The following OAT variants were observed in gnomAD, a reference collection of about 807,000 sequenced individuals.
OAT encodes ornithine aminotransferase, also known as ornithine aminotransferase, mitochondrial.
Under a neutral mutation model 48.4 loss-of-function variants are expected in OAT, and 35 were observed. The observed-to-expected ratio is 0.72, with a 90% CI of 0.55 to 0.96. The LOEUF is 0.96. Ranked by LOEUF, OAT falls within the 40% of genes least tolerant of loss-of-function variation. The pLI is 0.00. For missense variants in OAT, 438 were observed against 537.9 expected (o/e 0.81, Z 1.84); for synonymous variants, 182 against 198.4 (o/e 0.92, Z 0.70).
rs375060243 is a variant in OAT, at chr10:124,402,910, G to C, written c.900+17C>G. On this transcript the variant is annotated intron_variant, in intron 7 of 9. Transcript: ENST00000368845. ...TACAAGAGTAGGAAATGGAAAGAGG[G>C]GGAACATGAAACTTACAGGGTATAA... The C allele has an allele frequency of 3.3e-5, 53 of 1,612,908 alleles. No individual in the cohort carries two copies. The African/African-American group carries it at 5.9e-4, about 18-fold the overall frequency.
intron 1 of OAT, among the ~76,000 whole-genome samples, chr10:124,418,652 G>A (rs1951996068): frequency 6.6e-6 from 1 of 151,886 alleles, no homozygotes; most frequent in Non-Finnish European, 1.5e-5. Context: ...GCTGCGCGCC[G>A]GCCGGAGACT....
chr10:124,406,901 G>A (rs1951596093), intron 4 of OAT: 2 of 948,422 alleles, frequency 2.1e-6, no homozygotes, highest in African/African-American at 3.6e-5. Context: ...GAAAACACCT[G>A]ACATAAACCA....
rs1470484955 is a variant in OAT at position 124,401,048 on chromosome 10, C to T, written c.1015-64G>A. 7.5e-6 allele frequency: 9 copies of T among 1,195,292 alleles called. No homozygotes were observed. In the East Asian group the frequency reaches 1.0e-4, roughly 13 times the overall value. 74.0% of individuals were successfully genotyped at this position (1,195,292 alleles called of 1,614,324 possible). On this transcript the variant is annotated intron_variant, in intron 8 of 9. Transcript: ENST00000368845. ...CCTTTTTTTGTTTTTTGGAGGACAA[C>T]GGGGACTGTAAACACAGGAAAAACA...
Position 124,403,071 on chromosome 10 carries a change from A to G in OAT, c.772-16T>C, listed in dbSNP as rs765688981. On this transcript the variant is annotated splice_polypyrimidine_tract_variant and intron_variant, in intron 6 of 9. Coordinates refer to ENST00000368845, the MANE Select transcript of OAT (RefSeq NM_000274.4). ...TAAAGAGAACCTATTGGGGAAAAAA[A>G]ATACCCCTATTAGTGATCACTTTCG... 3 of 1,613,644 alleles carry G rather than the reference A, an allele frequency of 1.9e-6. No individual in the cohort carries two copies. In the Admixed American group the frequency reaches 5.0e-5, roughly 27 times the overall value.
intron 1 of OAT, among the ~76,000 whole-genome samples, chr10:124,412,841 G>C (rs1951800649): frequency 6.6e-6 from 1 of 152,200 alleles, no homozygotes; most frequent in Non-Finnish European, 1.5e-5. Context: ...AATGCACTGT[G>C]TGTTGACTGA....
rs121965041 is a variant in OAT, at chr10:124,403,019, C to G, written c.808G>C (p.Ala270Pro). The change falls in exon 7 of 10, where the codon GCC becomes CCC. Residue 270 changes from alanine (A) to proline (P), a missense_variant. Ala to Pro is a conservative substitution (Grantham distance 27). Transcript: ENST00000368845. ...ACAGCCAGCCATCTACCAGTTCTGG[C>G]CAATCCTGTCTGTATTTCATCAGCA... ...FIADEIQTGL[A>P]RTGRWLAVDY... 1 of 1,614,106 alleles carries G rather than the reference C, an allele frequency of 6.2e-7. No homozygotes were observed. Among genetic ancestry groups the G allele is most frequent in the Non-Finnish European group, 8.5e-7 (1 of 1,180,000 alleles).
At chr10:124,399,035 A>AAAATAAAAT (rs569462656) in intron 9 of OAT, among the ~76,000 whole-genome samples, 1 of 149,762 alleles carries the variant, frequency 6.7e-6, no homozygotes, top group Non-Finnish European at 1.5e-5. Context: ...ACTGTCTCAA[A>AAAATAAAAT]AAATAAAATA....
At chr10:124,403,259 GCCA>G in intron 6 of OAT, 1 of 631,144 alleles carries the variant, frequency 1.6e-6, no homozygotes, top group East Asian at 2.8e-5. Flanking sequence ...CCTTTGTCAG[GCCA>G]CTATCTCCCT....
At chr10:124,403,132 T>A in intron 6 of OAT, 77 bp from the exon 7 acceptor site, 8 of 1,490,352 alleles carry the variant, frequency 5.4e-6, no homozygotes, top group Non-Finnish European at 7.5e-6. Flanking sequence ...TATTTCACTG[T>A]CCCCCCACCA....
intron 1 of OAT, among the ~76,000 whole-genome samples, chr10:124,412,561 C>T (rs1951789248): frequency 6.6e-6 from 1 of 151,876 alleles, no homozygotes; most frequent in South Asian, 2.1e-4. Flanking sequence ...ATTCCAGCAC[C>T]TTGGGAGGCC....
In OAT at chr10:124,405,324, C is replaced by T. The variant is rs531904218; in HGVS notation, c.648+112G>A. The T allele has an allele frequency of 2.4e-5, 37 of 1,515,632 alleles. No homozygotes were observed. In the South Asian group the frequency reaches 3.4e-4, roughly 14 times the overall value. 93.9% of individuals were successfully genotyped at this position (1,515,632 alleles called of 1,614,324 possible). A position where few individuals can be genotyped will look rare whatever the true frequency, so the allele number is the denominator to read the frequency against. The stretch of plus-strand genomic sequence containing the variant: ...GAACAAGTCTGAAATCGTGGCTTAA[C>T]TTAAGTGAGATAAATTTGCATTACT... On this transcript the variant is annotated intron_variant, in intron 5 of 9. Coordinates refer to ENST00000368845, the MANE Select transcript of OAT (RefSeq NM_000274.4).
intron 4 of OAT, chr10:124,407,547 C>T: frequency 1.7e-6 from 1 of 605,584 alleles, no homozygotes; most frequent in Non-Finnish European, 2.1e-6. Context: ...TTTGGGAATA[C>T]CAATCTGTCC....
intron 2 of OAT, among the ~76,000 whole-genome samples, chr10:124,410,503 T>C (rs1272808932): frequency 1.3e-5 from 2 of 152,212 alleles, no homozygotes; most frequent in African/African-American, 4.8e-5. Flanking sequence ...ACAATTACTC[T>C]ATGGTTATAA....
At position 124,398,089 on chromosome 10, in the gene OAT, C is replaced by T; in HGVS notation, c.1173G>A (p.Trp391Ter). ...TATCTCGAAGTCGTAGACACACCTT[C>T]CAAGCATCCCAATCTAAAGAAAAAT... ...VIKETKDWDA[W>*]KVCLRLRDNG... The change falls in exon 10 of 10, where the codon TGG (tryptophan) becomes TGA (stop). Residue 391 changes from tryptophan (W) to a stop codon, truncating the protein, a stop_gained. Coordinates refer to ENST00000368845, the MANE Select transcript of OAT (RefSeq NM_000274.4). LOFTEE classifies it high-confidence loss of function. 2 of 1,614,046 alleles carry T rather than the reference C, an allele frequency of 1.2e-6. No individual in the cohort carries two copies. The highest frequency in any genetic ancestry group is 4.5e-5 in the East Asian group (2 of 44,894).
Position 124,402,838 on chromosome 10 carries a change from A to C in OAT, c.900+89T>G, listed in dbSNP as rs528641153. 155 of 1,543,346 alleles carry C rather than the reference A, an allele frequency of 1.0e-4. No individual in the cohort carries two copies. In the African/African-American group the frequency reaches 2.0e-3, roughly 20 times the overall value. On this transcript the variant is annotated intron_variant, in intron 7 of 9. Coordinates refer to ENST00000368845, the MANE Select transcript of OAT (RefSeq NM_000274.4). ...TGGTAAAATCAAACAATCTGAAAGC[A>C]TTGTTGTCACAATCAGTTGATGTAT...
chr10:124,411,139 CAAAAAAAAAAAAAA>C (rs370084432), intron 2 of OAT, among the ~76,000 whole-genome samples: 1 of 15,014 alleles, frequency 6.7e-5, no homozygotes, highest in African/African-American at 1.9e-4. Flanking sequence ...CATTCCGTCT[CAAAAAAAAAAAAAA>C]AAAAAAAAAA....
chr10:124,397,652 T>A lies in OAT; in HGVS notation c.*290A>T, dbSNP rs192119442. 2.1e-5 allele frequency: 7 copies of A among 337,838 alleles called. No individual in the cohort carries two copies. In the East Asian group the frequency reaches 4.6e-4, roughly 22 times the overall value. The allele number at this position is 337,838 out of a possible 1,614,324, so 20.9% of individuals were successfully genotyped here. A position where few individuals can be genotyped will look rare whatever the true frequency, so the allele number is the denominator to read the frequency against. On this transcript the variant is annotated 3_prime_UTR_variant, in exon 10 of 10. Coordinates refer to ENST00000368845, the MANE Select transcript of OAT (RefSeq NM_000274.4). The stretch of plus-strand genomic sequence containing the variant: ...ACATATATCAATTATACTGAAGGAC[T>A]TGATTTAGAGGCTGTCTGTATATAG...
In OAT at chr10:124,411,971, A is replaced by T; in HGVS notation, c.199+2T>A. On this transcript the variant is annotated splice_donor_variant, in intron 2 of 9. Coordinates refer to ENST00000368845, the MANE Select transcript of OAT (RefSeq NM_000274.4). LOFTEE classifies it high-confidence loss of function. ...GAAAAGACGGATTAATTTGAAACGTACCTTTTCCTCTCTCCAGGGCTACAG... is the reference window on the plus strand; with the variant it reads ...GAAAAGACGGATTAATTTGAAACGTTCCTTTTCCTCTCTCCAGGGCTACAG... 7 of 1,613,112 alleles carry T rather than the reference A, an allele frequency of 4.3e-6. No homozygotes were observed. The highest frequency in any genetic ancestry group is 5.1e-6 in the Non-Finnish European group (6 of 1,179,044).
chr10:124,408,330 TATATATATATATA>T (rs368410160), intron 4 of OAT, among the ~76,000 whole-genome samples, 199 bp downstream of exon 4: 3 of 90,442 alleles, frequency 3.3e-5, no homozygotes, highest in East Asian at 7.1e-4. Context: ...TATATATATA[TATATATATATATA>T]TTTTTTTTTT....
Sources: allele counts gnomAD v4.1 joint callset (sites outside exome capture counted in the v4.1 genomes callset), GRCh38; gene constraint gnomAD v4.1.1; transcripts MANE v1.5; gene names NCBI Gene and HGNC (gene_info 2026-07-23, HGNC 2026-07-21).